The following ETV6 variants were observed in gnomAD, a reference collection of about 807,000 sequenced individuals.
The protein encoded by ETV6 is transcription factor ETV6.
Under a neutral mutation model 51.1 loss-of-function variants are expected in ETV6, and 16 were observed. That is an observed-to-expected ratio of 0.31 (90% confidence interval 0.21 to 0.48). The LOEUF is 0.48. Among genes scored for constraint, ETV6 ranks in the 20% least tolerant of loss-of-function variants. The pLI is 0.99. For synonymous variants in ETV6, 240 were observed against 224.1 expected, an observed-to-expected ratio of 1.07 and a Z score of -0.64; for missense variants, 458 against 594.8, an observed-to-expected ratio of 0.77 and a Z score of 2.39.
At chr12:11,805,847 G>A (rs1261674213) in intron 2 of ETV6, among the ~76,000 whole-genome samples, 1 of 152,194 alleles carries the variant, frequency 6.6e-6, no homozygotes, top group East Asian at 1.9e-4. Context: ...CAGTAACCTT[G>A]GACCTCGTAA....
At chr12:11,763,356 G>A (rs1236280745) in intron 2 of ETV6, among the ~76,000 whole-genome samples, 3 of 152,116 alleles carry the variant, frequency 2.0e-5, no homozygotes, top group African/African-American at 7.2e-5. Flanking sequence ...CCAGGTATCT[G>A]GGGTTTTATT....
At chr12:11,840,701 G>A (rs1946377102) in intron 3 of ETV6, 3 of 324,726 alleles carry the variant, frequency 9.2e-6, no homozygotes, top group South Asian at 4.9e-5. Flanking sequence ...AAGTTCCCCA[G>A]AAGTAGAGAT....
intron 1 of ETV6, among the ~76,000 whole-genome samples, chr12:11,651,407 A>G (rs930556299): frequency 6.6e-6 from 1 of 152,214 alleles, no homozygotes. Context: ...TATAATTAGA[A>G]TCACATTTTG....
At chr12:11,727,976 C>T (rs1287256020) in intron 1 of ETV6, among the ~76,000 whole-genome samples, 2 of 152,116 alleles carry the variant, frequency 1.3e-5, no homozygotes, top group Admixed American at 6.5e-5. Flanking sequence ...CGCGCCACCA[C>T]GCCTGGCTAA....
chr12:11,816,909 C>T (rs1331397357), intron 2 of ETV6, among the ~76,000 whole-genome samples: 1 of 152,220 alleles, frequency 6.6e-6, no homozygotes, highest in East Asian at 1.9e-4. Flanking sequence ...TTCCATTAGA[C>T]TCACAGCCCA....
In ETV6 at chr12:11,884,402, A is replaced by G. The variant is rs773930362; in HGVS notation, c.1010-43A>G. ...GATTCTTCTGGTTAGTGCCTCAACA[A>G]GAAACATTTTCAACAGTGTTTTCTT... On this transcript the variant is annotated intron_variant, in intron 5 of 7. Transcript: ENST00000396373. The G allele has an allele frequency of 3.1e-6, 5 of 1,610,916 alleles. No individual in the cohort carries two copies. The East Asian group carries it at 1.1e-4, about 36-fold the overall frequency.
chr12:11,828,395 T>C (rs1946191822), intron 2 of ETV6, among the ~76,000 whole-genome samples: 1 of 152,160 alleles, frequency 6.6e-6, no homozygotes, highest in African/African-American at 2.4e-5. Flanking sequence ...GCTCAAACAT[T>C]TCATTGTACC....
intron 2 of ETV6, among the ~76,000 whole-genome samples, chr12:11,803,160 T>G (rs1182093932): frequency 1.3e-5 from 2 of 152,206 alleles, no homozygotes; most frequent in African/African-American, 4.8e-5. Flanking sequence ...AGCTTGGTGC[T>G]CTTTGCTTTG....
At chr12:11,656,915 T>C (rs748992161) in intron 1 of ETV6, among the ~76,000 whole-genome samples, 2 of 152,184 alleles carry the variant, frequency 1.3e-5, no homozygotes, top group Non-Finnish European at 2.9e-5. Context: ...ATCTTTAATA[T>C]TATGTGATTT....
chr12:11,802,284 CTCA>C (rs1324687181), intron 2 of ETV6, among the ~76,000 whole-genome samples: 1 of 152,138 alleles, frequency 6.6e-6, no homozygotes, highest in Non-Finnish European at 1.5e-5. Context: ...AGCTATGGCT[CTCA>C]TCAGCTGATC....
intron 2 of ETV6, among the ~76,000 whole-genome samples, chr12:11,762,646 C>CAGCAGAGAGA (rs1945105031): frequency 6.6e-6 from 1 of 152,168 alleles, no homozygotes; most frequent in Non-Finnish European, 1.5e-5. Context: ...AGTACATTTC[C>CAGCAGAGAGA]ATCCGCCTCA....
At chr12:11,745,022 T>A (rs2121035956) in intron 1 of ETV6, among the ~76,000 whole-genome samples, 1 of 152,358 alleles carries the variant, frequency 6.6e-6, no homozygotes, top group South Asian at 2.1e-4. Context: ...GCTTTGGTGC[T>A]TGTCTTTAAA....
chr12:11,852,789 T>G (rs1337875935), intron 3 of ETV6, among the ~76,000 whole-genome samples: 1 of 152,258 alleles, frequency 6.6e-6, no homozygotes, highest in Non-Finnish European at 1.5e-5. Context: ...AAAAGCCCGC[T>G]TCTAACTATA....
chr12:11,825,064 T>C (rs1053452064), intron 2 of ETV6, among the ~76,000 whole-genome samples: 1 of 152,138 alleles, frequency 6.6e-6, no homozygotes, highest in Non-Finnish European at 1.5e-5. Context: ...CAAGAAAGCG[T>C]GCCAAAACAA....
chr12:11,753,973 A>G (rs573982266), intron 2 of ETV6, among the ~76,000 whole-genome samples: 6 of 152,332 alleles, frequency 3.9e-5, no homozygotes, highest in South Asian at 2.1e-4. Context: ...TGCCAGGGTC[A>G]TGGCTGGGAA....
intron 1 of ETV6, among the ~76,000 whole-genome samples, chr12:11,666,456 C>T (rs1591595294): frequency 6.6e-6 from 1 of 152,120 alleles, no homozygotes; most frequent in South Asian, 2.1e-4. Context: ...AGGACAGCCT[C>T]AATATTGCTG....
chr12:11,836,131 C>T (rs1458807810), intron 2 of ETV6, among the ~76,000 whole-genome samples: 2 of 152,310 alleles, frequency 1.3e-5, no homozygotes, highest in Non-Finnish European at 1.5e-5. Flanking sequence ...CATTTAGACA[C>T]GCTAACACAC....
At chr12:11,664,492 A>AG (rs35287599) in intron 1 of ETV6, among the ~76,000 whole-genome samples, 1 of 152,158 alleles carries the variant, frequency 6.6e-6, no homozygotes, top group Non-Finnish European at 1.5e-5. Flanking sequence ...TACGAACCAC[A>AG]GGGGAGAACC....
intron 1 of ETV6, among the ~76,000 whole-genome samples, chr12:11,657,376 CT>C (rs1481773221): frequency 3.9e-5 from 6 of 152,182 alleles, no homozygotes; most frequent in African/African-American, 1.4e-4. Flanking sequence ...GCATAGCTTC[CT>C]TTTGAAGATT....
Sources: allele counts gnomAD v4.1 joint callset (sites outside exome capture counted in the v4.1 genomes callset), GRCh38; gene constraint gnomAD v4.1.1; transcripts MANE v1.5; gene names NCBI Gene and HGNC (gene_info 2026-07-23, HGNC 2026-07-21).